Variants in MBNL2 observed in about 807,000 individuals in gnomAD.
MBNL2 encodes muscleblind-like protein 2.
MBNL2 carries 17 observed loss-of-function variants against 41.9 expected under a neutral mutation model. That is an observed-to-expected ratio of 0.41 (90% CI 0.28 to 0.61). MBNL2 has a LOEUF of 0.61. MBNL2 is among the 20% of genes least tolerant of loss of function. MBNL2 has a pLI of 0.35. For missense variants in MBNL2, 336 were observed against 505.6 expected, an observed-to-expected ratio of 0.66 and a Z score of 3.22; for synonymous variants, 195 against 182.9, an observed-to-expected ratio of 1.07 and a Z score of -0.53.
At chr13:97,144,651 T>G in the MBNL2 span, among the ~76,000 whole-genome samples, 5 of 152,166 alleles carry the variant, frequency 3.3e-5, 1 homozygote, top group African/African-American at 1.2e-4. Flanking sequence ...CAGGCTGGTC[T>G]CAAAACCCTG....
the MBNL2 span, among the ~76,000 whole-genome samples, chr13:97,159,656 A>G: frequency 6.7e-6 from 1 of 148,978 alleles, no homozygotes; most frequent in Non-Finnish European, 1.5e-5. Flanking sequence ...TCACTTATGA[A>G]GCTTAGTTTG....
chr13:97,328,825 T>A (rs76055600), intron 2 of MBNL2, among the ~76,000 whole-genome samples: 2,331 of 152,320 alleles, frequency 0.015, 58 homozygotes, highest in African/African-American at 0.048. Flanking sequence ...TTTTCTTTTT[T>A]GTGCCCATAT....
chr13:97,159,207 T>C, the MBNL2 span, among the ~76,000 whole-genome samples: 2 of 151,836 alleles, frequency 1.3e-5, no homozygotes, highest in Non-Finnish European at 2.9e-5. Context: ...TATCAGAGAC[T>C]AGGATTGCAA....
At chr13:97,343,346 T>C in intron 4 of MBNL2, 130 bp downstream of exon 4, 1 of 681,186 alleles carries the variant, frequency 1.5e-6, no homozygotes, top group South Asian at 2.0e-5. Context: ...CAAACTCACC[T>C]AAAACCCATG....
the MBNL2 span, among the ~76,000 whole-genome samples, chr13:97,206,720 T>C: frequency 6.6e-6 from 1 of 152,030 alleles, no homozygotes; most frequent in Non-Finnish European, 1.5e-5. Context: ...GTTGTAGTAA[T>C]AATGATAGTA....
upstream of MBNL2, among the ~76,000 whole-genome samples, chr13:97,217,405 G>T (rs2040472558): frequency 1.3e-5 from 2 of 152,164 alleles, no homozygotes; most frequent in Non-Finnish European, 2.9e-5. Context: ...AGCAAGACAT[G>T]TTTACTATGT....
intron 2 of MBNL2, among the ~76,000 whole-genome samples, chr13:97,281,832 G>T (rs2053494074): frequency 6.6e-6 from 1 of 152,166 alleles, no homozygotes. Context: ...CCTTATAGAT[G>T]TGGATACAGG....
Position 97,366,122 on chromosome 13 carries a change from C to T in MBNL2, c.1048+951C>T, listed in dbSNP as rs1286850443. On this transcript the variant is annotated intron_variant, in intron 8 of 8. Transcript: ENST00000679496. This position sits in a 1 kb window ranked among gnomAD's most constrained non-coding sequence, Gnocchi z 4.7. ...ACATCACCTTTCACAATTTTAGAAA[C>T]AACCATTATTGCATACACTGTATAC... 6.6e-6 allele frequency among the ~76,000 whole-genome samples: 1 copy of T among 152,150 alleles called. No individual in the cohort carries two copies. The highest frequency in any genetic ancestry group is 6.5e-5 in the Admixed American group (1 of 15,274).
intron 2 of MBNL2, among the ~76,000 whole-genome samples, chr13:97,287,939 GT>G (rs139487015): frequency 1.4e-4 from 16 of 114,050 alleles, no homozygotes; most frequent in South Asian, 8.4e-4. Flanking sequence ...GTTTTGTTTT[GT>G]TTTTTTTTTT....
chr13:97,187,583 C>T, the MBNL2 span, among the ~76,000 whole-genome samples: 2 of 101,034 alleles, frequency 2.0e-5, no homozygotes, highest in Admixed American at 1.5e-4. Context: ...AATCCTCAAA[C>T]TATGCAGCTT....
the MBNL2 span, among the ~76,000 whole-genome samples, chr13:97,164,151 T>C: frequency 6.6e-6 from 1 of 152,106 alleles, no homozygotes; most frequent in Non-Finnish European, 1.5e-5. Flanking sequence ...GGACTATAGG[T>C]GTGCACCACC....
chr13:97,213,043 A>G, the MBNL2 span, among the ~76,000 whole-genome samples: 1 of 152,310 alleles, frequency 6.6e-6, no homozygotes, highest in East Asian at 1.9e-4. Context: ...GAGATCCTGG[A>G]GCCACAGGGA....
At chr13:97,150,607 G>A in the MBNL2 span, among the ~76,000 whole-genome samples, 5 of 152,148 alleles carry the variant, frequency 3.3e-5, no homozygotes, top group Non-Finnish European at 5.9e-5. Context: ...CACTCAATGC[G>A]GTTCTCACCT....
chr13:97,226,958 C>T (rs1039966228), intron 1 of MBNL2, among the ~76,000 whole-genome samples: 3 of 151,200 alleles, frequency 2.0e-5, no homozygotes, highest in African/African-American at 7.3e-5. Flanking sequence ...CTTTATCTCA[C>T]TGTCTCTATC....
chr13:97,302,679 G>T (rs1471931100), intron 2 of MBNL2, among the ~76,000 whole-genome samples: 1 of 152,198 alleles, frequency 6.6e-6, no homozygotes, highest in East Asian at 1.9e-4. Flanking sequence ...AACACAATGG[G>T]TGTAAATACG....
rs189022134 is a variant in MBNL2, at chr13:97,371,756, A to G, written c.1048+6585A>G. On this transcript the variant is annotated intron_variant, in intron 8 of 8. Coordinates refer to ENST00000679496, the MANE Select transcript of MBNL2 (RefSeq NM_001382683.1). Reference sequence around the variant, plus strand: ...GGCCTACTTTGTCTTGCCTTTGCCCATTACAAAGGGAGGTTACTTTTAGCA... The same window carrying G: ...GGCCTACTTTGTCTTGCCTTTGCCCGTTACAAAGGGAGGTTACTTTTAGCA... Among the ~76,000 whole-genome samples, 514 of 152,304 alleles carry G rather than the reference A, an allele frequency of 3.4e-3. 4 individuals are homozygous for G. Among genetic ancestry groups the G allele is most frequent in the Middle Eastern group, 0.031 (9 of 294 alleles).
At chr13:97,308,162 C>T (rs1408267102) in intron 2 of MBNL2, among the ~76,000 whole-genome samples, 2 of 152,320 alleles carry the variant, frequency 1.3e-5, no homozygotes, top group East Asian at 3.9e-4. Flanking sequence ...CTGCCACATG[C>T]CTGCAGGCCC....
intron 1 of MBNL2, among the ~76,000 whole-genome samples, chr13:97,275,247 C>T (rs1377907989): frequency 6.6e-6 from 1 of 152,166 alleles, no homozygotes; most frequent in East Asian, 1.9e-4. Context: ...ATAGGAGGGA[C>T]ACATCCCAAA....
Position 97,366,332 on chromosome 13 carries a change from G to A in MBNL2, c.1048+1161G>A. 2 of 583,204 alleles carry A rather than the reference G, an allele frequency of 3.4e-6. No individual in the cohort carries two copies. The highest frequency in any genetic ancestry group is 3.1e-6 in the Non-Finnish European group (1 of 320,212). 36.1% of individuals were successfully genotyped at this position (583,204 alleles called of 1,614,324 possible). ...TGCTTCCTTGCTTTGCATTGTGATTGCATGCCATCTGCTGGTTTAACCCAT... is the reference window on the plus strand; with the variant it reads ...TGCTTCCTTGCTTTGCATTGTGATTACATGCCATCTGCTGGTTTAACCCAT... On this transcript the variant is annotated intron_variant, in intron 8 of 8. Coordinates refer to ENST00000679496, the MANE Select transcript of MBNL2 (RefSeq NM_001382683.1). This position sits in a 1 kb window ranked among gnomAD's most constrained non-coding sequence, Gnocchi z 4.7.
Sources: allele counts gnomAD v4.1 joint callset (sites outside exome capture counted in the v4.1 genomes callset), GRCh38; gene constraint gnomAD v4.1.1; non-coding constraint Gnocchi (gnomAD v3.1); transcripts MANE v1.5; gene names NCBI Gene and HGNC (gene_info 2026-07-23, HGNC 2026-07-21).